TSR1: variants seen among roughly 807,000 people sequenced by gnomAD.
The protein encoded by TSR1 is pre-rRNA-processing protein TSR1 homolog.
In TSR1, 81 loss-of-function variants were observed where a neutral mutation model predicts 90.9. The ratio of observed to expected loss-of-function variants is 0.89; its 90% CI spans 0.74 to 1.07. The LOEUF (loss-of-function observed/expected upper bound fraction) is 1.07, where lower values mean the gene tolerates loss of function less well. TSR1 is among the 50% of genes least tolerant of loss of function. The pLI, the probability that TSR1 is intolerant of heterozygous loss-of-function variation, is 0.00. For missense variants in TSR1, 989 were observed against 987.3 expected (o/e 1.00, Z -0.02); for synonymous variants, 362 against 348.8 (o/e 1.04, Z -0.42).
At chr17:2,334,101 C>T (rs948813041) in intron 5 of TSR1, among the ~76,000 whole-genome samples, 3 of 152,200 alleles carry the variant, frequency 2.0e-5, no homozygotes, top group African/African-American at 7.2e-5. Flanking sequence ...CAACACCTAG[C>T]TCAAGTCTGA....
intron 11 of TSR1, among the ~76,000 whole-genome samples, chr17:2,325,707 G>A (rs2075572639): frequency 6.6e-6 from 1 of 151,944 alleles, no homozygotes; most frequent in South Asian, 2.1e-4. Flanking sequence ...CTGCCTCCCG[G>A]GTTCAAGCAG....
chr17:2,323,508 CA>C lies in TSR1; in HGVS notation c.*687del. ...TTAATGACAACCCTCTTGACAGAAG[CA>C]GAGTCAGAATTAAAGAAAAGCTTTG... On this transcript the variant is annotated 3_prime_UTR_variant, in exon 15 of 15. Transcript: ENST00000301364. 3 of 1,143,936 alleles carry C rather than the reference CA, an allele frequency of 2.6e-6. No homozygotes were observed. The highest frequency in any genetic ancestry group is 3.0e-4 in the Middle Eastern group (1 of 3,386). The allele number at this position is 1,143,936 out of a possible 1,614,324, so 70.9% of individuals were successfully genotyped here.
intron 6 of TSR1, 119 bp downstream of exon 6, chr17:2,333,438 G>A (rs2064021998): frequency 1.6e-6 from 2 of 1,213,990 alleles, no homozygotes; most frequent in African/African-American, 1.5e-5. Context: ...TGAGGGTGAG[G>A]AGAGACTTTC....
At position 2,330,514 on chromosome 17, in the gene TSR1, C is replaced by T. The variant is rs774242083; in HGVS notation, c.1770+1G>A. On this transcript the variant is annotated splice_donor_variant, in intron 10 of 14. Coordinates refer to ENST00000301364, the MANE Select transcript of TSR1 (RefSeq NM_018128.5). LOFTEE classifies it high-confidence loss of function. ...CATTTTCCCACAAGACAGCAATTTACCTTCTGTTCATGAGGTAGTAAAGAA... is the reference window on the plus strand; with the variant it reads ...CATTTTCCCACAAGACAGCAATTTATCTTCTGTTCATGAGGTAGTAAAGAA... 5.0e-6 allele frequency: 8 copies of T among 1,612,956 alleles called. No homozygotes were observed. The East Asian group carries it at 1.8e-4, about 36-fold the overall frequency.
At chr17:2,325,144 C>G (rs561038931) in intron 12 of TSR1, 160 bp downstream of exon 12, 9 of 641,868 alleles carry the variant, frequency 1.4e-5, no homozygotes, top group Non-Finnish European at 1.8e-5. Context: ...TTGGAGTTTT[C>G]ATTGTTCTAT....
At chr17:2,335,196 G>C (rs2064044441) in intron 4 of TSR1, 64 bp downstream of exon 4, 2 of 1,525,954 alleles carry the variant, frequency 1.3e-6, no homozygotes, top group Non-Finnish European at 1.8e-6. Flanking sequence ...TTGTATTCCT[G>C]TATCAAATAC....
chr17:2,332,372 A>AGTTT lies in TSR1; in HGVS notation c.1306-14_1306-13insAAAC, dbSNP rs2064012494. Reference sequence around the variant, plus strand: ...CACTACTCTCATCCTGTAGAATAGGATTACAGTTTTTTCAGAAGAAATCCA... The same window carrying AGTTT: ...CACTACTCTCATCCTGTAGAATAGGAGTTTTTACAGTTTTTTCAGAAGAAATCCA... On this transcript the variant is annotated splice_polypyrimidine_tract_variant and intron_variant, in intron 7 of 14. Transcript: ENST00000301364. 4 of 1,571,492 alleles carry AGTTT rather than the reference A, an allele frequency of 2.5e-6. No individual in the cohort carries two copies. The South Asian group carries it at 4.8e-5, about 19-fold the overall frequency.
chr17:2,323,622 T>G lies in TSR1; in HGVS notation c.*574A>C, dbSNP rs776588530. ...ATAGGTAAACCAACTAGACTCCCCT[T>G]TCACTAATTCCTACTCCCTTCCATA... On this transcript the variant is annotated 3_prime_UTR_variant, in exon 15 of 15. Transcript: ENST00000301364. 5.0e-6 allele frequency: 8 copies of G among 1,606,734 alleles called. No homozygotes were observed. The Admixed American group carries it at 1.2e-4, about 23-fold the overall frequency.
chr17:2,329,078 T>C (rs1236312613), intron 11 of TSR1: 1 of 683,216 alleles, frequency 1.5e-6, no homozygotes, highest in African/African-American at 1.7e-5. Flanking sequence ...TTTATAAAGC[T>C]GCCAACTTCT....
At position 2,335,763 on chromosome 17, in the gene TSR1, G is replaced by A. The variant is rs778211404; in HGVS notation, c.202-33C>T. 10 of 1,598,558 alleles carry A rather than the reference G, an allele frequency of 6.3e-6. No individual in the cohort carries two copies. The South Asian group carries it at 1.1e-4, about 18-fold the overall frequency. ...TAGAAAGATATCCGAGAACATCTCA[G>A]TGTCTCAGTACTTCACTCCAGCATT... On this transcript the variant is annotated intron_variant, in intron 2 of 14. Coordinates refer to ENST00000301364, the MANE Select transcript of TSR1 (RefSeq NM_018128.5).
Position 2,327,278 on chromosome 17 carries a change from G to A in TSR1, c.1904-1858C>T, listed in dbSNP as rs549732953. Among the ~76,000 whole-genome samples the A allele has an allele frequency of 4.6e-5, 7 of 151,722 alleles. No individual in the cohort carries two copies. The South Asian group carries it at 8.4e-4, about 18-fold the overall frequency. The stretch of plus-strand genomic sequence containing the variant: ...CTAAAAATACAAAAAGTAGCTGGGC[G>A]TGGTGGCAGACACCTATGGTCCGAG... On this transcript the variant is annotated intron_variant, in intron 11 of 14. Coordinates refer to ENST00000301364, the MANE Select transcript of TSR1 (RefSeq NM_018128.5).
chr17:2,335,869 GGC>G (rs1264382719), intron 2 of TSR1, 139 bp from the exon 3 acceptor site: 1 of 1,262,474 alleles, frequency 7.9e-7, no homozygotes, highest in Non-Finnish European at 1.1e-6. Context: ...CCAGCGGGGT[GGC>G]AGGAATTCTG....
chr17:2,336,271 T>C, intron 1 of TSR1, 60 bp downstream of exon 1: 1 of 1,609,154 alleles, frequency 6.2e-7, no homozygotes, highest in Non-Finnish European at 8.5e-7. Flanking sequence ...AGTCTGGGCA[T>C]GAGGAAAAAG....
rs762304719 is a variant in TSR1, at chr17:2,329,478, G to A, written c.1771-3C>T. On this transcript the variant is annotated splice_region_variant and splice_polypyrimidine_tract_variant and intron_variant, in intron 10 of 14. Coordinates refer to ENST00000301364, the MANE Select transcript of TSR1 (RefSeq NM_018128.5). ...ACCACCATATTCAATACTGACATCT[G>A]GGGACCAAGTAAGAAAAACAAAAAT... is the stretch of plus-strand genomic sequence containing the variant. 1 of 1,613,464 alleles carries A rather than the reference G, an allele frequency of 6.2e-7. No individual in the cohort carries two copies. The highest frequency in any genetic ancestry group is 8.5e-7 in the Non-Finnish European group (1 of 1,179,856).
rs766747815 is a variant in TSR1, at chr17:2,333,049, A to C, written c.1217T>G (p.Leu406Trp). The stretch of plus-strand genomic sequence containing the variant: ...CCCACCACTTTGGCTGCCACCATCC[A>C]AAATCCATTCAGCTTGGTAACTGGA... Reference protein sequence around the residue: ...GTSSYQAEWILDGGSQSGGEG... With the variant: ...GTSSYQAEWIWDGGSQSGGEG... Residue 406 changes from leucine to tryptophan, a missense_variant, in exon 7 of 15, where the codon TTG (leucine) becomes TGG (tryptophan). Transcript: ENST00000301364. 1 of 1,614,144 alleles carries C rather than the reference A, an allele frequency of 6.2e-7. No homozygotes were observed. Among genetic ancestry groups the C allele is most frequent in the East Asian group, 2.2e-5 (1 of 44,880 alleles).
At chr17:2,335,031 A>C in intron 4 of TSR1, 135 bp from the exon 5 acceptor site, 1 of 1,119,530 alleles carries the variant, frequency 8.9e-7, no homozygotes, top group East Asian at 2.5e-5. Context: ...ACTACCCTGA[A>C]GGAATTTCAC....
chr17:2,331,540 C>G (rs1388748562), intron 8 of TSR1, among the ~76,000 whole-genome samples: 1 of 151,058 alleles, frequency 6.6e-6, no homozygotes, highest in Non-Finnish European at 1.5e-5. Flanking sequence ...GCTCTCGTTA[C>G]TGCGCTGGCC....
rs375672201 is a variant in TSR1, at chr17:2,331,030, G to A, written c.1576C>T (p.Arg526Ter). 3.5e-5 allele frequency: 56 copies of A among 1,612,390 alleles called. No individual in the cohort carries two copies. Among genetic ancestry groups the A allele is most frequent in the African/African-American group, 5.3e-5 (4 of 74,782 alleles). Residue 526 changes from arginine (R) to a stop codon, truncating the protein, a stop_gained, in exon 9 of 15, where the codon CGA becomes TGA. Transcript: ENST00000301364. LOFTEE classifies it high-confidence loss of function. ...PKENLPQDYA[R>*]IFQFQNFTNT... Reference sequence around the variant, plus strand: ...GTAAAGTTCTGAAACTGAAATATTCGAGCATAATCTTGAGGAAGGTTTTCC... The same window carrying A: ...GTAAAGTTCTGAAACTGAAATATTCAAGCATAATCTTGAGGAAGGTTTTCC...
At chr17:2,328,592 A>AC (rs2075587404) in intron 11 of TSR1, among the ~76,000 whole-genome samples, 1 of 150,922 alleles carries the variant, frequency 6.6e-6, no homozygotes, top group African/African-American at 2.4e-5. Flanking sequence ...CCGTCTCCAA[A>AC]AAAACAAACA....
Sources: allele counts gnomAD v4.1 joint callset (sites outside exome capture counted in the v4.1 genomes callset), GRCh38; gene constraint gnomAD v4.1.1; transcripts MANE v1.5; gene names NCBI Gene and HGNC (gene_info 2026-07-23, HGNC 2026-07-21).